Variants in CPPED1 observed in about 807,000 individuals in gnomAD.
The protein encoded by CPPED1 is serine/threonine-protein phosphatase CPPED1.
A neutral mutation model predicts 28.0 loss-of-function variants in CPPED1; 28 were observed. That is an observed-to-expected ratio of 1.00 (90% confidence interval 0.74 to 1.37). The LOEUF (loss-of-function observed/expected upper bound fraction) is 1.37. CPPED1 is among the 40% of genes most tolerant of loss of function. The pLI, the probability that CPPED1 is intolerant of heterozygous loss-of-function variation, is 0.00. For missense variants in CPPED1, 504 were observed against 416.5 expected, an observed-to-expected ratio of 1.21 and a Z score of -1.83; for synonymous variants, 198 against 180.2, an observed-to-expected ratio of 1.10 and a Z score of -0.79.
intron 2 of CPPED1, among the ~76,000 whole-genome samples, chr16:12,737,550 G>T (rs1041815376): frequency 6.6e-6 from 1 of 152,170 alleles, no homozygotes; most frequent in African/African-American, 2.4e-5. Context: ...GCAGGCAAGG[G>T]CATACTCAGG....
At chr16:12,739,641 C>A (rs193118317) in intron 2 of CPPED1, among the ~76,000 whole-genome samples, 2 of 152,102 alleles carry the variant, frequency 1.3e-5, no homozygotes, top group Non-Finnish European at 2.9e-5. Context: ...CAGATTGCTA[C>A]GAGTAGGCTA....
intron 2 of CPPED1, among the ~76,000 whole-genome samples, chr16:12,733,388 C>G (rs749793631): frequency 3.3e-5 from 5 of 151,418 alleles, no homozygotes; most frequent in Non-Finnish European, 5.9e-5. Context: ...GATTCTCATG[C>G]CTCAGTCTCC....
intron 1 of CPPED1, among the ~76,000 whole-genome samples, chr16:12,786,681 G>C (rs546072120): frequency 6.6e-6 from 1 of 152,308 alleles, no homozygotes; most frequent in Admixed American, 6.5e-5. Context: ...AGCACTTTGG[G>C]AGGCCGAGGC....
intron 2 of CPPED1, among the ~76,000 whole-genome samples, chr16:12,758,675 T>A (rs1044423058): frequency 6.6e-6 from 1 of 152,204 alleles, no homozygotes; most frequent in Non-Finnish European, 1.5e-5. Context: ...CTGAGATCAA[T>A]GGCAAGAGAT....
At chr16:12,742,844 A>G (rs1308065424) in intron 2 of CPPED1, among the ~76,000 whole-genome samples, 4 of 152,208 alleles carry the variant, frequency 2.6e-5, no homozygotes, top group South Asian at 2.1e-4. Context: ...TTATCTCAGC[A>G]AAAGGACAAA....
At chr16:12,728,377 G>A (rs949826542) in intron 2 of CPPED1, among the ~76,000 whole-genome samples, 2 of 151,790 alleles carry the variant, frequency 1.3e-5, no homozygotes, top group Admixed American at 1.3e-4. Flanking sequence ...TACTGAATTC[G>A]TAGATTTAGG....
At chr16:12,713,665 A>G (rs540280265) in intron 2 of CPPED1, among the ~76,000 whole-genome samples, 5 of 152,054 alleles carry the variant, frequency 3.3e-5, no homozygotes, top group Admixed American at 1.3e-4. Flanking sequence ...CTGGCTATAA[A>G]TCTCGTTTCT....
chr16:12,788,220 C>T (rs1312679927), intron 1 of CPPED1, among the ~76,000 whole-genome samples: 1 of 152,172 alleles, frequency 6.6e-6, no homozygotes. Context: ...CTGCTCATTA[C>T]AATCAAGTTA....
At chr16:12,742,564 G>C (rs1020199518) in intron 2 of CPPED1, among the ~76,000 whole-genome samples, 5 of 152,162 alleles carry the variant, frequency 3.3e-5, no homozygotes, top group Non-Finnish European at 7.3e-5. Context: ...AGCTTTCACT[G>C]TTCCTTTCCT....
At chr16:12,734,452 T>C (rs1047093446) in intron 2 of CPPED1, among the ~76,000 whole-genome samples, 1 of 151,958 alleles carries the variant, frequency 6.6e-6, no homozygotes, top group Non-Finnish European at 1.5e-5. Context: ...CTATCTCAGC[T>C]CACTGCAAGC....
intron 2 of CPPED1, among the ~76,000 whole-genome samples, chr16:12,742,857 A>T (rs919025384): frequency 2.6e-5 from 4 of 152,146 alleles, no homozygotes; most frequent in African/African-American, 9.7e-5. Flanking sequence ...AGGACAAAAA[A>T]CGAGATCAGC....
At chr16:12,666,471 T>C (rs575660189) in intron 3 of CPPED1, among the ~76,000 whole-genome samples, 1 of 152,254 alleles carries the variant, frequency 6.6e-6, no homozygotes, top group African/African-American at 2.4e-5. Context: ...AGAACGCTGC[T>C]GCTGCCTGGG....
rs560084340 is a variant in CPPED1 at position 12,671,291 on chromosome 16, GT to G, written c.716-6177del. ...TAAAGCCCATGATTAGATTCCCTTA[GT>G]TTTTTCCTAATGTCCTTTTTCTGTT... On this transcript the variant is annotated intron_variant, in intron 3 of 3. Coordinates refer to ENST00000381774, the MANE Select transcript of CPPED1 (RefSeq NM_018340.3). Among the ~76,000 whole-genome samples the G allele has an allele frequency of 2.6e-5, 4 of 152,258 alleles. No homozygotes were observed. In the South Asian group the frequency reaches 8.3e-4, roughly 32 times the overall value.
In CPPED1 at chr16:12,718,373, T is replaced by G. The variant is rs138107871; in HGVS notation, c.290-13324A>C. 7.4e-3 allele frequency among the ~76,000 whole-genome samples: 1,129 copies of G among 152,048 alleles called. 15 individuals are homozygous for G. The highest frequency in any genetic ancestry group is 0.026 in the African/African-American group (1,065 of 41,486). Reference sequence around the variant, plus strand: ...GGCCAACATGGTGAAACCTTGTCTCTATTAAAAATACAAAAACTAGCTGGG... The same window carrying G: ...GGCCAACATGGTGAAACCTTGTCTCGATTAAAAATACAAAAACTAGCTGGG... On this transcript the variant is annotated intron_variant, in intron 2 of 3. Coordinates refer to ENST00000381774, the MANE Select transcript of CPPED1 (RefSeq NM_018340.3).
chr16:12,724,692 G>C (rs1454844787), intron 2 of CPPED1, among the ~76,000 whole-genome samples: 1 of 152,168 alleles, frequency 6.6e-6, no homozygotes, highest in East Asian at 1.9e-4. Flanking sequence ...CAACAGAAGG[G>C]TGTATTTCCG....
intron 2 of CPPED1, among the ~76,000 whole-genome samples, chr16:12,736,944 C>G (rs2080229759): frequency 6.6e-6 from 1 of 152,068 alleles, no homozygotes; most frequent in East Asian, 1.9e-4. Context: ...AATCCCAGCA[C>G]CTTGGGAGGC....
At chr16:12,740,928 T>C (rs2080252131) in intron 2 of CPPED1, among the ~76,000 whole-genome samples, 1 of 152,056 alleles carries the variant, frequency 6.6e-6, no homozygotes, top group Non-Finnish European at 1.5e-5. Context: ...AGGCAAACAC[T>C]CTCCTAAGTG....
intron 2 of CPPED1, among the ~76,000 whole-genome samples, chr16:12,754,257 G>A (rs1007376239): frequency 5.9e-5 from 9 of 152,152 alleles, no homozygotes; most frequent in Non-Finnish European, 1.0e-4. Context: ...TCCACCTCTA[G>A]AACATTTCGA....
At chr16:12,725,315 G>C (rs1268404025) in intron 2 of CPPED1, among the ~76,000 whole-genome samples, 1 of 152,094 alleles carries the variant, frequency 6.6e-6, no homozygotes, top group Non-Finnish European at 1.5e-5. Context: ...GGGTGGTCTC[G>C]AACTCCTGAC....
Sources: allele counts gnomAD v4.1 joint callset (sites outside exome capture counted in the v4.1 genomes callset), GRCh38; gene constraint gnomAD v4.1.1; transcripts MANE v1.5; gene names NCBI Gene and HGNC (gene_info 2026-07-23, HGNC 2026-07-21).